ZNF510: variants seen among roughly 807,000 people sequenced by gnomAD.
ZNF510 encodes zinc finger protein 510.
A neutral mutation model predicts 18.1 loss-of-function variants in ZNF510; 15 were observed. The ratio of observed to expected loss-of-function variants is 0.83; its 90% confidence interval spans 0.55 to 1.28. The LOEUF (loss-of-function observed/expected upper bound fraction) is 1.28. ZNF510 is among the 50% of genes most tolerant of loss of function. ZNF510 has a pLI of 0.00. For synonymous variants in ZNF510, 261 were observed against 266.4 expected (o/e 0.98, Z 0.20); for missense variants, 724 against 791.8 (o/e 0.91, Z 1.03).
chr9:96,771,099 A>C (rs1040547023), intron 3 of ZNF510, among the ~76,000 whole-genome samples: 6 of 152,240 alleles, frequency 3.9e-5, no homozygotes, highest in Non-Finnish European at 8.8e-5. Flanking sequence ...TCATTCAGAG[A>C]ACACAAAATG....
Position 96,763,531 on chromosome 9 carries a change from C to T in ZNF510, c.231G>A (p.Glu77=). The change falls in exon 4 of 6, where the codon GAG becomes GAA. Residue 77 remains glutamate, a synonymous_variant. Transcript: ENST00000223428. ...CCACTGAGACGAGGTTGCTGTAGTTCTCCAGCATCACATCTCTGTACAGAT... is the reference window on the plus strand; with the variant it reads ...CCACTGAGACGAGGTTGCTGTAGTTTTCCAGCATCACATCTCTGTACAGAT... ...QKNLYRDVML[E]NYSNLVSVGY... 6.2e-7 allele frequency: 1 copy of T among 1,609,366 alleles called. No individual in the cohort carries two copies. The highest frequency in any genetic ancestry group is 2.2e-5 in the East Asian group (1 of 44,854).
rs1376424034 is a variant in ZNF510, at chr9:96,771,256, A to ATAACT, written c.129+3527_129+3531dup. 2.6e-5 allele frequency among the ~76,000 whole-genome samples: 4 copies of ATAACT among 152,336 alleles called. No individual in the cohort carries two copies. The East Asian group carries it at 5.8e-4, about 22-fold the overall frequency. ...AAATATTAACAAATTGAATCCAGAA[A>ATAACT]TAACTTAAAGTGATAGCACTACCTT... On this transcript the variant is annotated intron_variant, in intron 3 of 5. Coordinates refer to ENST00000223428, the MANE Select transcript of ZNF510 (RefSeq NM_014930.3).
intron 4 of ZNF510, 133 bp downstream of exon 4, chr9:96,763,371 CAT>C: frequency 7.7e-7 from 1 of 1,300,594 alleles, no homozygotes; most frequent in Non-Finnish European, 1.1e-6. Context: ...CTCGACAGGG[CAT>C]AGTTACTTTG....
chr9:96,763,683 T>C (rs368274256), intron 3 of ZNF510, 51 bp from the exon 4 acceptor site: 1 of 1,498,536 alleles, frequency 6.7e-7, no homozygotes, highest in African/African-American at 1.4e-5. Context: ...TTAGATGATG[T>C]AGAAAATAGC....
Position 96,759,079 on chromosome 9 carries a change from G to A in ZNF510, c.1751C>T (p.Thr584Ile). ...CNECGKTFAR[T>I]STLRVHQRIH... ...TCTTTGATGCACTCTGAGGGTTGAT[G>A]TCCGGGCAAAAGTTTTCCCACATTC... The change falls in exon 6 of 6, where the codon ACA becomes ATA. Residue 584 changes from threonine (T) to isoleucine (I), a missense_variant. By Grantham distance (89) the Thr-to-Ile change is moderately conservative. Transcript: ENST00000223428. 1 of 1,613,488 alleles carries A rather than the reference G, an allele frequency of 6.2e-7. No homozygotes were observed. Among genetic ancestry groups the A allele is most frequent in the African/African-American group, 1.3e-5 (1 of 74,838 alleles).
In ZNF510 at chr9:96,763,102, C is replaced by T; in HGVS notation, c.352+16G>A. The T allele has an allele frequency of 2.5e-6, 4 of 1,610,102 alleles. No homozygotes were observed. The highest frequency in any genetic ancestry group is 3.4e-6 in the Non-Finnish European group (4 of 1,176,402). ...CACTCCTGCAGAATTATGTCTACTA[C>T]TGCTCAGTAACTCACTTGGGTGACT... is the stretch of plus-strand genomic sequence containing the variant. On this transcript the variant is annotated intron_variant, in intron 5 of 5. Transcript: ENST00000223428.
In ZNF510 at chr9:96,759,880, G is replaced by A. The variant is rs749771699; in HGVS notation, c.950C>T (p.Ser317Phe). ...KHLHLNQCGK[S>F]FEKSTVEEYN... is the part of the protein sequence containing the mutation. ...TTCCTCCACAGTTGACTTCTCAAAG[G>A]ATTTCCCACATTGATTAAGATGCAG... Residue 317 changes from serine to phenylalanine, a missense_variant, in exon 6 of 6, where the codon TCC becomes TTC. By Grantham distance (155) the Ser-to-Phe change is radical. Coordinates refer to ENST00000223428, the MANE Select transcript of ZNF510 (RefSeq NM_014930.3). 25 of 1,613,208 alleles carry A rather than the reference G, an allele frequency of 1.5e-5. No individual in the cohort carries two copies. The Admixed American group carries it at 3.8e-4, about 25-fold the overall frequency.
intron 3 of ZNF510, among the ~76,000 whole-genome samples, chr9:96,765,482 T>C (rs1302168041): frequency 6.6e-6 from 1 of 152,112 alleles, no homozygotes; most frequent in African/African-American, 2.4e-5. Flanking sequence ...CCATATTTAC[T>C]GCATTTTTGT....
intron 3 of ZNF510, among the ~76,000 whole-genome samples, chr9:96,765,961 T>C (rs1849461209): frequency 6.6e-6 from 1 of 152,212 alleles, no homozygotes; most frequent in South Asian, 2.1e-4. Flanking sequence ...TGTTGGCCAT[T>C]AGTTCAATCA....
At chr9:96,770,154 A>C (rs1849555645) in intron 3 of ZNF510, among the ~76,000 whole-genome samples, 1 of 152,354 alleles carries the variant, frequency 6.6e-6, no homozygotes, top group African/African-American at 2.4e-5. Flanking sequence ...AAAAGGGAGA[A>C]ACAATCCAAA....
chr9:96,773,858 G>T (rs112252444), intron 3 of ZNF510, among the ~76,000 whole-genome samples: 3 of 152,244 alleles, frequency 2.0e-5, no homozygotes, highest in Admixed American at 2.0e-4. Flanking sequence ...TCACAGGCGT[G>T]AGCCACTGCA....
At chr9:96,772,649 C>T (rs1172238364) in intron 3 of ZNF510, among the ~76,000 whole-genome samples, 1 of 151,934 alleles carries the variant, frequency 6.6e-6, no homozygotes, top group Non-Finnish European at 1.5e-5. Context: ...TAGTATTTAC[C>T]ATAGAAAAGC....
At position 96,755,023 on chromosome 9, in the gene ZNF510, G is replaced by A. The variant is rs573938962; in HGVS notation, c.*3755C>T. Among the ~76,000 whole-genome samples the A allele has an allele frequency of 6.8e-4, 104 of 152,330 alleles. No individual in the cohort carries two copies. Among genetic ancestry groups the A allele is most frequent in the Non-Finnish European group, 1.0e-3 (71 of 68,032 alleles). On this transcript the variant is annotated 3_prime_UTR_variant, in exon 6 of 6. Transcript: ENST00000223428. ...CCAGGCAAGGAGAGGGAGCATACAT[G>A]ACTAGAGCACAGACCATGGTCTCCA...
At chr9:96,769,334 G>A (rs916330998) in intron 3 of ZNF510, among the ~76,000 whole-genome samples, 5 of 151,802 alleles carry the variant, frequency 3.3e-5, no homozygotes, top group African/African-American at 1.2e-4. Context: ...CTACTCGGAA[G>A]GCTGAGGTGG....
intron 3 of ZNF510, among the ~76,000 whole-genome samples, chr9:96,768,271 A>T (rs1035925835): frequency 6.6e-6 from 1 of 150,976 alleles, no homozygotes; most frequent in Non-Finnish European, 1.5e-5. Flanking sequence ...ACGCTAGGCT[A>T]AAAAACAAGA....
intron 1 of ZNF510, among the ~76,000 whole-genome samples, chr9:96,777,219 T>C (rs1849721266): frequency 6.6e-6 from 1 of 152,132 alleles, no homozygotes; most frequent in Admixed American, 6.5e-5. Flanking sequence ...CAAATACACT[T>C]GCCACATAGT....
intron 5 of ZNF510, among the ~76,000 whole-genome samples, chr9:96,761,138 ATC>A (rs1045941270): frequency 1.3e-5 from 2 of 152,192 alleles, no homozygotes; most frequent in Admixed American, 1.3e-4. Context: ...TGAAAATAAA[ATC>A]CATTCATGCA....
chr9:96,773,058 G>C (rs772418804), intron 3 of ZNF510, among the ~76,000 whole-genome samples: 1 of 152,164 alleles, frequency 6.6e-6, no homozygotes, highest in African/African-American at 2.4e-5. Flanking sequence ...TTAAGATACA[G>C]AGCAAAACAT....
intron 4 of ZNF510, 108 bp from the exon 5 acceptor site, chr9:96,763,321 G>A: frequency 7.5e-7 from 1 of 1,338,466 alleles, no homozygotes; most frequent in Admixed American, 1.9e-5. Context: ...GTGCTCCTTT[G>A]CATTTATCAC....
Sources: gnomAD v4.1 joint callset for allele counts (sites outside exome capture counted in the v4.1 genomes callset) on GRCh38, gnomAD v4.1.1 for gene constraint, MANE v1.5 for transcripts, NCBI Gene and HGNC (gene_info 2026-07-23, HGNC 2026-07-21) for gene names.